ASIC2: variants seen among roughly 807,000 people sequenced by gnomAD.
ASIC2 encodes the protein acid-sensing ion channel 2.
In ASIC2, 25 loss-of-function variants were observed where a neutral mutation model predicts 57.3. The ratio of observed to expected loss-of-function variants is 0.44; its 90% CI spans 0.32 to 0.61. The LOEUF is 0.61. ASIC2 is among the 20% of genes least tolerant of loss of function. The pLI is 0.06. For missense variants in ASIC2, 641 were observed against 738.1 expected (o/e 0.87, Z 1.52); for synonymous variants, 319 against 307.5 (o/e 1.04, Z -0.39).
intron 1 of ASIC2, among the ~76,000 whole-genome samples, chr17:33,762,940 G>A (rs763319624): frequency 7.2e-5 from 11 of 152,150 alleles, no homozygotes; most frequent in Non-Finnish European, 1.6e-4. Flanking sequence ...CCTTCTTGTT[G>A]CTCTGTTTTA....
In ASIC2 at chr17:33,289,876, A is replaced by G. The variant is rs531652642; in HGVS notation, c.708+1532T>C. 2.0e-5 allele frequency among the ~76,000 whole-genome samples: 3 copies of G among 152,270 alleles called. No individual in the cohort carries two copies. The South Asian group carries it at 6.2e-4, about 32-fold the overall frequency. Reference sequence around the variant, plus strand: ...TGGATGTAACCTTGAACTTTAATCTAACTCTTGAGGCTGCTAATTAGTGAT... The same window carrying G: ...TGGATGTAACCTTGAACTTTAATCTGACTCTTGAGGCTGCTAATTAGTGAT... On this transcript the variant is annotated intron_variant, in intron 1 of 9. Coordinates refer to ENST00000225823, the MANE Select transcript of ASIC2 (RefSeq NM_183377.2).
chr17:33,934,074 T>C (rs140528706), intron 1 of ASIC2, among the ~76,000 whole-genome samples: 3 of 152,344 alleles, frequency 2.0e-5, no homozygotes, highest in East Asian at 1.9e-4. Flanking sequence ...TGGGGGCACA[T>C]TGAACAGACT....
intron 1 of ASIC2, among the ~76,000 whole-genome samples, chr17:33,157,113 A>G (rs920275749): frequency 3.3e-5 from 5 of 152,110 alleles, no homozygotes; most frequent in Non-Finnish European, 7.4e-5. Flanking sequence ...CACGTGGTCA[A>G]GGCAAAAAAA....
chr17:33,521,571 C>T (rs896349533), intron 1 of ASIC2, among the ~76,000 whole-genome samples: 1 of 152,138 alleles, frequency 6.6e-6, no homozygotes, highest in Non-Finnish European at 1.5e-5. Flanking sequence ...GCTGGGGTCC[C>T]GTGAGAGCCT....
At chr17:33,174,613 T>A (rs1409727482) in intron 1 of ASIC2, among the ~76,000 whole-genome samples, 1 of 152,020 alleles carries the variant, frequency 6.6e-6, no homozygotes, top group Non-Finnish European at 1.5e-5. Context: ...GATCTGCTCC[T>A]CCTCCCAGGC....
intron 1 of ASIC2, among the ~76,000 whole-genome samples, chr17:33,398,020 AG>A (rs1447766149): frequency 5.9e-5 from 9 of 152,276 alleles, no homozygotes; most frequent in African/African-American, 1.9e-4. Flanking sequence ...TGGTGGGAGC[AG>A]TGCAGGGGAT....
intron 1 of ASIC2, among the ~76,000 whole-genome samples, chr17:33,552,582 A>G (rs1381016941): frequency 3.3e-5 from 5 of 152,222 alleles, no homozygotes; most frequent in African/African-American, 1.2e-4. Flanking sequence ...GCAAAAGGAA[A>G]GACAATATCT....
intron 1 of ASIC2, among the ~76,000 whole-genome samples, chr17:33,583,734 G>T (rs1405649381): frequency 6.6e-6 from 1 of 152,152 alleles, no homozygotes. Flanking sequence ...CCATAGCACC[G>T]AACATACCAA....
At chr17:33,175,645 C>G (rs907414223) in intron 1 of ASIC2, among the ~76,000 whole-genome samples, 1 of 152,100 alleles carries the variant, frequency 6.6e-6, no homozygotes, top group African/African-American at 2.4e-5. Flanking sequence ...GGCAACATTT[C>G]TCAGTTTGTA....
chr17:34,123,875 A>G (rs554100142), intron 1 of ASIC2, among the ~76,000 whole-genome samples: 47 of 152,220 alleles, frequency 3.1e-4, no homozygotes, highest in Non-Finnish European at 5.4e-4. Context: ...TGAGGTCAGG[A>G]GTTTCAAGAC....
intron 1 of ASIC2, among the ~76,000 whole-genome samples, chr17:33,145,759 T>C (rs761571666): frequency 5.3e-5 from 8 of 152,204 alleles, no homozygotes; most frequent in Non-Finnish European, 1.2e-4. Context: ...GAAGAATAGG[T>C]GCTTAAAAAT....
intron 1 of ASIC2, among the ~76,000 whole-genome samples, chr17:33,552,683 A>C (rs1445195731): frequency 6.6e-6 from 1 of 152,242 alleles, no homozygotes; most frequent in Non-Finnish European, 1.5e-5. Flanking sequence ...CATCATAGAT[A>C]CTTTGAATAT....
chr17:33,615,364 C>G (rs2142017906), intron 1 of ASIC2, among the ~76,000 whole-genome samples: 1 of 152,132 alleles, frequency 6.6e-6, no homozygotes, highest in African/African-American at 2.4e-5. Flanking sequence ...CTATTAAGTC[C>G]CCTGTGCCCC....
chr17:33,871,201 G>A (rs1240478709), intron 1 of ASIC2, among the ~76,000 whole-genome samples: 1 of 152,226 alleles, frequency 6.6e-6, no homozygotes, highest in Non-Finnish European at 1.5e-5. Flanking sequence ...GGATGGAGGA[G>A]TTCAGAAGCT....
intron 1 of ASIC2, among the ~76,000 whole-genome samples, chr17:33,225,186 C>A (rs902471345): frequency 3.9e-5 from 6 of 152,188 alleles, no homozygotes; most frequent in African/African-American, 1.4e-4. Flanking sequence ...ATGTTGAATA[C>A]CAAGCCTGTG....
intron 1 of ASIC2, among the ~76,000 whole-genome samples, chr17:34,153,449 G>C (rs1027613160): frequency 1.5e-4 from 23 of 152,178 alleles, no homozygotes; most frequent in African/African-American, 5.5e-4. Flanking sequence ...CCCTCTTCTG[G>C]TATGGCAGCC....
chr17:33,769,294 T>C (rs1911026790), intron 1 of ASIC2, among the ~76,000 whole-genome samples: 1 of 152,204 alleles, frequency 6.6e-6, no homozygotes, highest in Admixed American at 6.5e-5. Flanking sequence ...CTGGGCAACA[T>C]TGCATTCATG....
chr17:33,558,890 C>T (rs1915990057), intron 1 of ASIC2, among the ~76,000 whole-genome samples: 2 of 152,088 alleles, frequency 1.3e-5, no homozygotes, highest in Non-Finnish European at 2.9e-5. Flanking sequence ...CCTCAGCCTT[C>T]CAAGTAGCTG....
intron 1 of ASIC2, among the ~76,000 whole-genome samples, chr17:34,091,073 T>C (rs1433485499): frequency 1.3e-5 from 2 of 152,202 alleles, no homozygotes; most frequent in East Asian, 3.9e-4. Context: ...CTGCAGTTCC[T>C]TCAATCCTAA....
Sources: gnomAD v4.1 joint callset for allele counts (sites outside exome capture counted in the v4.1 genomes callset) on GRCh38, gnomAD v4.1.1 for gene constraint, MANE v1.5 for transcripts, NCBI Gene and HGNC (gene_info 2026-07-23, HGNC 2026-07-21) for gene names.